MTSS1: variants seen among roughly 807,000 people sequenced by gnomAD.
The protein encoded by MTSS1 is protein MTSS 1.
In MTSS1, 18 loss-of-function variants were observed where a neutral mutation model predicts 79.0. That is an observed-to-expected ratio of 0.23 (90% confidence interval 0.16 to 0.34). MTSS1 has a LOEUF of 0.34. MTSS1 is among the 10% of genes least tolerant of loss of function. The pLI, the probability that MTSS1 is intolerant of heterozygous loss-of-function variation, is 1.00. For missense variants in MTSS1, 815 were observed against 986.2 expected (o/e 0.83, Z 2.33); for synonymous variants, 341 against 368.6 (o/e 0.93, Z 0.86).
At chr8:124,705,745 C>G (rs1290259679) in intron 1 of MTSS1, among the ~76,000 whole-genome samples, 1 of 152,200 alleles carries the variant, frequency 6.6e-6, no homozygotes. Flanking sequence ...TATTAAACAT[C>G]ATTTTTTCTT....
At chr8:124,681,139 G>A (rs796656478) in intron 3 of MTSS1, among the ~76,000 whole-genome samples, 5 of 149,632 alleles carry the variant, frequency 3.3e-5, no homozygotes, top group African/African-American at 1.2e-4. Context: ...GTGAAAAGCT[G>A]AACTTTTAAA....
rs79768863 is a variant in MTSS1 at position 124,605,565 on chromosome 8, T to A, written c.209-14330A>T. On this transcript the variant is annotated intron_variant, in intron 3 of 13. Coordinates refer to ENST00000518547, the MANE Select transcript of MTSS1 (RefSeq NM_014751.6). ...TCGCACTGCCTCCCTCCCTGCCCTC[T>A]CGCTGCCTCCCTCCCTGCCCTCTCG... Among the ~76,000 whole-genome samples, 111 of 127,054 alleles carry A rather than the reference T, an allele frequency of 8.7e-4. 1 individual carries two copies. Among genetic ancestry groups the A allele is most frequent in the African/African-American group, 3.3e-3 (104 of 31,292 alleles). The allele number at this position is 127,054 out of a possible 152,430, so 83.4% of individuals were successfully genotyped here. A position where few individuals can be genotyped will look rare whatever the true frequency, so the allele number is the denominator to read the frequency against.
At chr8:124,562,371 C>T (rs910042126) in intron 10 of MTSS1, among the ~76,000 whole-genome samples, 3 of 152,306 alleles carry the variant, frequency 2.0e-5, no homozygotes, top group Non-Finnish European at 4.4e-5. Flanking sequence ...GTATCGGAAG[C>T]GCTATTCAAC....
At chr8:124,726,450 A>G (rs1246183478) in intron 1 of MTSS1, among the ~76,000 whole-genome samples, 1 of 152,204 alleles carries the variant, frequency 6.6e-6, no homozygotes, top group Non-Finnish European at 1.5e-5. Flanking sequence ...CCTGGACTAT[A>G]AGCATTCCTG....
Position 124,699,344 on chromosome 8 carries a change from A to G in MTSS1, c.208+182T>C, listed in dbSNP as rs1399933709. The G allele has an allele frequency of 1.5e-5, 9 of 590,820 alleles. No individual in the cohort carries two copies. The East Asian group carries it at 2.6e-4, about 17-fold the overall frequency. 36.6% of individuals were successfully genotyped at this position (590,820 alleles called of 1,614,324 possible). The stretch of plus-strand genomic sequence containing the variant: ...TTTCATTCTTCTTCACATGTGCTTT[A>G]TTATCCAGAAAACTAGTTGCAACTT... On this transcript the variant is annotated intron_variant, in intron 3 of 13. Coordinates refer to ENST00000518547, the MANE Select transcript of MTSS1 (RefSeq NM_014751.6).
chr8:124,572,503 T>A (rs10106071), intron 6 of MTSS1, among the ~76,000 whole-genome samples: 1 of 151,918 alleles, frequency 6.6e-6, no homozygotes, highest in Non-Finnish European at 1.5e-5. Flanking sequence ...AAGCCCATTC[T>A]CTTCACTCCC....
chr8:124,728,250 A>C lies in MTSS1; in HGVS notation c.-295T>G. Reference sequence around the variant, plus strand: ...AATCAGGCCACCACTGGTGCCCACTACGGAAACGGCAAAGCCCATCTTGAT... The same window carrying C: ...AATCAGGCCACCACTGGTGCCCACTCCGGAAACGGCAAAGCCCATCTTGAT... On this transcript the variant is annotated 5_prime_UTR_variant, in exon 1 of 14. The change abolishes the stop of an existing upstream ORF in the 5' untranslated region. Coordinates refer to ENST00000518547, the MANE Select transcript of MTSS1 (RefSeq NM_014751.6). The surrounding 1 kb of genome is among the most constrained non-coding windows in gnomAD (Gnocchi z 6.1). 7 of 261,282 alleles carry C rather than the reference A, an allele frequency of 2.7e-5. No homozygotes were observed. Among genetic ancestry groups the C allele is most frequent in the East Asian group, 6.9e-5 (1 of 14,408 alleles). The allele number at this position is 261,282 out of a possible 1,614,324, so 16.2% of individuals were successfully genotyped here.
chr8:124,619,036 G>A (rs1812947580), intron 3 of MTSS1, among the ~76,000 whole-genome samples: 1 of 152,220 alleles, frequency 6.6e-6, no homozygotes, highest in Non-Finnish European at 1.5e-5. Flanking sequence ...TTCATGCAAG[G>A]AGGTTTTCAC....
At chr8:124,598,210 G>A (rs1348099933) in intron 3 of MTSS1, among the ~76,000 whole-genome samples, 1 of 152,104 alleles carries the variant, frequency 6.6e-6, no homozygotes, top group South Asian at 2.1e-4. Context: ...TGAGAGGATC[G>A]CTTGAACTCA....
intron 2 of MTSS1, among the ~76,000 whole-genome samples, chr8:124,702,857 T>C (rs1318129666): frequency 6.6e-6 from 1 of 152,132 alleles, no homozygotes; most frequent in African/African-American, 2.4e-5. Flanking sequence ...ACCCACTAAG[T>C]GAAATTGTAT....
intron 3 of MTSS1, among the ~76,000 whole-genome samples, chr8:124,652,457 T>G (rs1014658705): frequency 2.0e-5 from 3 of 151,322 alleles, no homozygotes; most frequent in African/African-American, 7.3e-5. Context: ...TGAGCCACCA[T>G]GCCCAGCCGA....
chr8:124,717,365 G>T (rs537134553), intron 1 of MTSS1, among the ~76,000 whole-genome samples: 3 of 152,256 alleles, frequency 2.0e-5, no homozygotes, highest in Admixed American at 6.5e-5. Context: ...GTGTGGTGGT[G>T]CATGTCTATA....
At chr8:124,682,382 AAACT>A (rs1826258522) in intron 3 of MTSS1, among the ~76,000 whole-genome samples, 1 of 152,220 alleles carries the variant, frequency 6.6e-6, no homozygotes, top group South Asian at 2.1e-4. Context: ...CTGGAATCCA[AAACT>A]AACACGGCTA....
At chr8:124,555,956 C>T (rs1283607957) in intron 12 of MTSS1, 52 bp from the exon 13 acceptor site, 2 of 1,591,168 alleles carry the variant, frequency 1.3e-6, no homozygotes, top group East Asian at 4.5e-5. Context: ...GGGGGCTCAA[C>T]AGCACTCCTG....
chr8:124,589,065 C>G (rs764050935), intron 5 of MTSS1, among the ~76,000 whole-genome samples: 3 of 151,836 alleles, frequency 2.0e-5, no homozygotes, highest in Non-Finnish European at 4.4e-5. Flanking sequence ...GAGTCTCACT[C>G]TGTCGTCCAG....
In MTSS1 at chr8:124,701,012, G is replaced by C. The variant is rs375084314; in HGVS notation, c.135-1413C>G. ...GAAAGCTGAGGTGGGAGGATCACTTGAGCTCAGGAGTTTGAGACCAGCCTG... is the reference window on the plus strand; with the variant it reads ...GAAAGCTGAGGTGGGAGGATCACTTCAGCTCAGGAGTTTGAGACCAGCCTG... On this transcript the variant is annotated intron_variant, in intron 2 of 13. Transcript: ENST00000518547. Among the ~76,000 whole-genome samples the C allele has an allele frequency of 1.2e-4, 18 of 152,252 alleles. No homozygotes were observed. The East Asian group carries it at 2.9e-3, about 24-fold the overall frequency.
At chr8:124,559,782 A>G (rs1301402485) in intron 10 of MTSS1, among the ~76,000 whole-genome samples, 1 of 152,228 alleles carries the variant, frequency 6.6e-6, no homozygotes, top group Non-Finnish European at 1.5e-5. Flanking sequence ...TCTCCTGGGC[A>G]CTGCTTTGCA....
At chr8:124,567,929 T>C in intron 7 of MTSS1, 2 of 1,401,802 alleles carry the variant, frequency 1.4e-6, no homozygotes, top group Non-Finnish European at 1.9e-6. Flanking sequence ...ATTGAGGCTC[T>C]TGGATATTCA....
intron 4 of MTSS1, 50 bp from the exon 5 acceptor site, chr8:124,589,761 G>A (rs1336086471): frequency 7.8e-7 from 1 of 1,283,230 alleles, no homozygotes; most frequent in South Asian, 1.2e-5. Flanking sequence ...GATACATTCT[G>A]TTGTCAGGAT....
Sources: gnomAD v4.1 joint callset for allele counts (sites outside exome capture counted in the v4.1 genomes callset) on GRCh38, gnomAD v4.1.1 for gene constraint, Gnocchi (gnomAD v3.1) non-coding constraint, MANE v1.5 for transcripts, NCBI Gene and HGNC (gene_info 2026-07-23, HGNC 2026-07-21) for gene names.